DCC: variants seen among roughly 807,000 people sequenced by gnomAD.
DCC encodes the protein DCC netrin 1 receptor, also known as netrin receptor DCC.
A neutral mutation model predicts 172.5 loss-of-function variants in DCC; 58 were observed. The observed-to-expected ratio is 0.34, with a 90% confidence interval of 0.27 to 0.42. The LOEUF is 0.42. Ranked by LOEUF, DCC falls within the 10% of genes least tolerant of loss-of-function variation. The pLI is 1.00. For missense variants in DCC, 1,740 were observed against 1,791.0 expected (o/e 0.97, Z 0.51); for synonymous variants, 709 against 644.5 (o/e 1.10, Z -1.52).
intron 7 of DCC, among the ~76,000 whole-genome samples, chr18:53,084,530 G>C (rs1180025438): frequency 1.3e-5 from 2 of 152,154 alleles, no homozygotes; most frequent in Non-Finnish European, 2.9e-5. Context: ...GTTGGGACAG[G>C]GCAATACCTC....
intron 1 of DCC, among the ~76,000 whole-genome samples, chr18:52,703,008 T>C (rs1308190478): frequency 5.9e-5 from 9 of 152,332 alleles, no homozygotes; most frequent in Admixed American, 5.2e-4. Context: ...TTTACCTACC[T>C]AACTCCAAAC....
chr18:52,889,364 C>T (rs1598901840), intron 2 of DCC, among the ~76,000 whole-genome samples: 2 of 151,996 alleles, frequency 1.3e-5, no homozygotes, highest in Non-Finnish European at 2.9e-5. Context: ...AAAGAAGTAA[C>T]GAATGAAATA....
rs1231249762 is a variant in DCC, at chr18:52,405,603, C to A, written c.91+64725C>A. On this transcript the variant is annotated intron_variant, in intron 1 of 28. Coordinates refer to ENST00000442544, the MANE Select transcript of DCC (RefSeq NM_005215.4). Reference sequence around the variant, plus strand: ...CAAAGAGAATAAAATACCTAGGAATCCAACTTACAAGGGATGTGAAGGACC... The same window carrying A: ...CAAAGAGAATAAAATACCTAGGAATACAACTTACAAGGGATGTGAAGGACC... 2.6e-5 allele frequency among the ~76,000 whole-genome samples: 4 copies of A among 151,068 alleles called. No individual in the cohort carries two copies. The East Asian group carries it at 7.9e-4, about 30-fold the overall frequency.
At chr18:52,681,957 A>G (rs2035756975) in intron 1 of DCC, among the ~76,000 whole-genome samples, 1 of 152,128 alleles carries the variant, frequency 6.6e-6, no homozygotes, top group South Asian at 2.1e-4. Context: ...TATCTCACCT[A>G]AATCTAGAGG....
At chr18:53,017,871 A>G (rs140942741) in intron 5 of DCC, among the ~76,000 whole-genome samples, 1 of 151,994 alleles carries the variant, frequency 6.6e-6, no homozygotes, top group African/African-American at 2.4e-5. Flanking sequence ...ATTTCGCCTG[A>G]GTTTCCCCAT....
At chr18:52,446,613 T>G (rs1988132086) in intron 1 of DCC, among the ~76,000 whole-genome samples, 1 of 152,218 alleles carries the variant, frequency 6.6e-6, no homozygotes. Flanking sequence ...TACAGTCTAC[T>G]TTGTGTTTGG....
intron 5 of DCC, among the ~76,000 whole-genome samples, chr18:52,961,191 A>G (rs1220048484): frequency 6.6e-6 from 1 of 152,172 alleles, no homozygotes; most frequent in Non-Finnish European, 1.5e-5. Flanking sequence ...ACCTAATGTT[A>G]AATGAAGAGT....
Position 53,336,130 on chromosome 18 carries a change from A to G in DCC, c.2165-3583A>G, listed in dbSNP as rs77205835. ...TGCTCTTTGGTTTCAAATTAACTCA[A>G]TAACTACTCTACTATTCCTCTGTGC... On this transcript the variant is annotated intron_variant, in intron 14 of 28. Transcript: ENST00000442544. Among the ~76,000 whole-genome samples the G allele has an allele frequency of 4.8e-4, 73 of 152,328 alleles. 1 individual carries two copies. The East Asian group carries it at 0.012, about 25-fold the overall frequency.
At chr18:53,010,776 T>A (rs7243470) in intron 5 of DCC, among the ~76,000 whole-genome samples, 3,357 of 151,088 alleles carry the variant, frequency 0.022, 125 homozygotes, top group African/African-American at 0.077. Context: ...AAATACTCTT[T>A]ACATTACACA....
At chr18:53,464,195 T>A (rs369159787) in intron 24 of DCC, among the ~76,000 whole-genome samples, 30 of 152,314 alleles carry the variant, frequency 2.0e-4, no homozygotes, top group African/African-American at 7.2e-4. Context: ...TAGAATTTAG[T>A]TTCTTGAAAT....
intron 9 of DCC, among the ~76,000 whole-genome samples, 187 bp downstream of exon 9, chr18:53,179,303 G>A (rs1441236479): frequency 6.6e-6 from 1 of 152,076 alleles, no homozygotes; most frequent in Admixed American, 6.6e-5. Flanking sequence ...TCTTCACTTA[G>A]GCCACATACC....
At chr18:52,707,658 A>T (rs1364124762) in intron 1 of DCC, among the ~76,000 whole-genome samples, 1 of 152,274 alleles carries the variant, frequency 6.6e-6, no homozygotes, top group Non-Finnish European at 1.5e-5. Flanking sequence ...GTATCTATAC[A>T]CAATGGAAAA....
chr18:53,012,746 A>T (rs572396049), intron 5 of DCC, among the ~76,000 whole-genome samples: 1 of 152,232 alleles, frequency 6.6e-6, no homozygotes, highest in South Asian at 2.1e-4. Context: ...ATCAGCATTG[A>T]TGAGACTAAA....
chr18:53,070,302 T>G (rs2042635151), intron 7 of DCC, among the ~76,000 whole-genome samples: 1 of 152,044 alleles, frequency 6.6e-6, no homozygotes, highest in Non-Finnish European at 1.5e-5. Context: ...ACCCAGCCAA[T>G]AAGGGCTTTT....
At chr18:52,353,841 C>T (rs183902190) in intron 1 of DCC, among the ~76,000 whole-genome samples, 18 of 152,254 alleles carry the variant, frequency 1.2e-4, no homozygotes, top group African/African-American at 3.6e-4. Flanking sequence ...GAACTGTAGG[C>T]CCTTCTCTGG....
At chr18:52,973,826 C>A in intron 5 of DCC, among the ~76,000 whole-genome samples, 1 of 152,088 alleles carries the variant, frequency 6.6e-6, no homozygotes, top group East Asian at 1.9e-4. Context: ...AACACATTTT[C>A]ACTGGAGGCT....
At chr18:52,935,821 T>C (rs1182221112) in intron 5 of DCC, among the ~76,000 whole-genome samples, 2 of 152,140 alleles carry the variant, frequency 1.3e-5, no homozygotes, top group African/African-American at 4.8e-5. Flanking sequence ...ATCTTTTTAT[T>C]GCAATGTGTA....
chr18:53,018,084 G>T (rs965993360), intron 5 of DCC, among the ~76,000 whole-genome samples: 1 of 151,988 alleles, frequency 6.6e-6, no homozygotes, highest in African/African-American at 2.4e-5. Context: ...TTCCTTGATG[G>T]GTGCAGCAAA....
At chr18:53,126,099 T>G (rs1356280826) in intron 7 of DCC, among the ~76,000 whole-genome samples, 1 of 152,074 alleles carries the variant, frequency 6.6e-6, no homozygotes, top group Admixed American at 6.6e-5. Context: ...AAATTCCAGC[T>G]AACCAGATAA....
Sources: allele counts gnomAD v4.1 joint callset (sites outside exome capture counted in the v4.1 genomes callset), GRCh38; gene constraint gnomAD v4.1.1; transcripts MANE v1.5; gene names NCBI Gene and HGNC (gene_info 2026-07-23, HGNC 2026-07-21).